TBC1D2B: variants seen among roughly 807,000 people sequenced by gnomAD.
TBC1D2B encodes TBC1 domain family, member 2B.
TBC1D2B carries 64 observed loss-of-function variants against 100.8 expected under a neutral mutation model. The ratio of observed to expected loss-of-function variants is 0.64; its 90% CI spans 0.52 to 0.78. The LOEUF is 0.78. Ranked by LOEUF, TBC1D2B falls within the 30% of genes least tolerant of loss-of-function variation. The pLI, the probability that TBC1D2B is intolerant of heterozygous loss-of-function variation, is 0.00. For synonymous variants in TBC1D2B, 480 were observed against 479.7 expected (o/e 1.00, Z -0.01); for missense variants, 1,052 against 1,218.4 (o/e 0.86, Z 2.03).
chr15:78,009,021 A>G lies in TBC1D2B; in HGVS notation c.2364T>C (p.Tyr788=), dbSNP rs771282108. The change falls in exon 10 of 13, where the codon TAT becomes TAC. Residue 788 remains tyrosine (Y), a synonymous_variant. Coordinates refer to ENST00000300584, the MANE Select transcript of TBC1D2B (RefSeq NM_144572.2). The part of the protein sequence containing the change: ...IVEVFMPRDY[Y]TKTLLGSQVD... ...CCTGGGATCCTAAAAGAGTCTTTGT[A>G]TAATAGTCTCGAGGCATGAAAACTT... is the stretch of plus-strand genomic sequence containing the variant. 9 of 1,601,020 alleles carry G rather than the reference A, an allele frequency of 5.6e-6. No homozygotes were observed. Among genetic ancestry groups the G allele is most frequent in the Non-Finnish European group, 6.8e-6 (8 of 1,173,248 alleles).
intron 10 of TBC1D2B, among the ~76,000 whole-genome samples, chr15:78,005,811 T>C (rs1162277788): frequency 6.6e-6 from 1 of 152,250 alleles, no homozygotes; most frequent in Non-Finnish European, 1.5e-5. Context: ...TGATCATCTA[T>C]TACTTGTATA....
intron 6 of TBC1D2B, 54 bp from the exon 7 acceptor site, chr15:78,018,011 T>A (rs2072420911): frequency 1.0e-6 from 1 of 969,534 alleles, no homozygotes; most frequent in Non-Finnish European, 1.6e-6. Context: ...ATTGACTAAT[T>A]AATTACCCTA....
intron 1 of TBC1D2B, among the ~76,000 whole-genome samples, chr15:78,066,299 G>A (rs764577292): frequency 1.2e-4 from 18 of 152,206 alleles, no homozygotes; most frequent in African/African-American, 3.9e-4. Context: ...GAGGATGGAG[G>A]GCTCACACTT....
intron 4 of TBC1D2B, among the ~76,000 whole-genome samples, chr15:78,027,559 A>G (rs2072702632): frequency 6.6e-6 from 1 of 152,218 alleles, no homozygotes; most frequent in African/African-American, 2.4e-5. Context: ...CTCCCTCTCT[A>G]TCACATAAAC....
Position 78,077,308 on chromosome 15 carries a change from G to C in TBC1D2B, c.345C>G (p.Ala115=). Residue 115 remains alanine (A), a synonymous_variant, in exon 1 of 13, where the codon GCC becomes GCG. Coordinates refer to ENST00000300584, the MANE Select transcript of TBC1D2B (RefSeq NM_144572.2). ...GCGGTCCCACCTTGAGCACCGTGAC[G>C]GCTCCCGCGCTGTGCACCTGGAAGT... ...PAHFQVHSAG[A]VTVLKAPNRQ... 4 of 1,522,956 alleles carry C rather than the reference G, an allele frequency of 2.6e-6. No individual in the cohort carries two copies. The South Asian group carries it at 3.7e-5, about 14-fold the overall frequency. 94.3% of individuals were successfully genotyped at this position (1,522,956 alleles called of 1,614,324 possible). A position where few individuals can be genotyped will look rare whatever the true frequency, so the allele number is the denominator to read the frequency against.
intron 9 of TBC1D2B, among the ~76,000 whole-genome samples, chr15:78,011,444 C>T (rs1373860026): frequency 6.6e-6 from 1 of 150,566 alleles, no homozygotes; most frequent in African/African-American, 2.4e-5. Context: ...ACATGCAGAA[C>T]TTTTTCATTC....
At chr15:78,041,527 T>C (rs755221700) in intron 3 of TBC1D2B, among the ~76,000 whole-genome samples, 42 of 152,382 alleles carry the variant, frequency 2.8e-4, no homozygotes, top group Non-Finnish European at 4.3e-4. Context: ...AACCTTCATT[T>C]ATCTTTTAAG....
chr15:78,050,760 G>A (rs1040501024), intron 2 of TBC1D2B, among the ~76,000 whole-genome samples: 1 of 152,202 alleles, frequency 6.6e-6, no homozygotes, highest in Non-Finnish European at 1.5e-5. Context: ...AAAGCTGCAA[G>A]TTCCAATCAC....
At chr15:78,058,196 C>T (rs1051363760) in intron 1 of TBC1D2B, among the ~76,000 whole-genome samples, 2 of 152,184 alleles carry the variant, frequency 1.3e-5, no homozygotes, top group East Asian at 1.9e-4. Context: ...CTTTACTGAA[C>T]AGTGCTGGTC....
In TBC1D2B at chr15:78,068,383, C is replaced by A. The variant is rs866992903; in HGVS notation, c.360+8910G>T. On this transcript the variant is annotated intron_variant, in intron 1 of 12. Coordinates refer to ENST00000300584, the MANE Select transcript of TBC1D2B (RefSeq NM_144572.2). ...TGAAATGAAAGCACACACACCACAC[C>A]CACACACACACACACACACACACAC... Among the ~76,000 whole-genome samples, 304 of 143,092 alleles carry A rather than the reference C, an allele frequency of 2.1e-3. 1 individual carries two copies. The highest frequency in any genetic ancestry group is 6.7e-3 in the African/African-American group (257 of 38,106). The allele number at this position is 143,092 out of a possible 152,430, so 93.9% of individuals were successfully genotyped here. A position where few individuals can be genotyped will look rare whatever the true frequency, so the allele number is the denominator to read the frequency against.
Position 78,013,017 on chromosome 15 carries a change from G to A in TBC1D2B, c.2076C>T (p.Phe692=). ...KFKDNTEPGH[F]QTLLQKALEK... ...CCAGCGCCTTCTGCAGCAAGGTCTG[G>A]AAGTGGCCAGGCTCAGTGTTGTCCT... The change falls in exon 9 of 13, where the codon TTC becomes TTT. Residue 692 remains phenylalanine, a synonymous_variant. Transcript: ENST00000300584. 1 of 1,611,010 alleles carries A rather than the reference G, an allele frequency of 6.2e-7. No homozygotes were observed. The highest frequency in any genetic ancestry group is 8.5e-7 in the Non-Finnish European group (1 of 1,177,320).
At chr15:78,071,099 G>A (rs2073736336) in intron 1 of TBC1D2B, among the ~76,000 whole-genome samples, 1 of 152,186 alleles carries the variant, frequency 6.6e-6, no homozygotes, top group South Asian at 2.1e-4. Context: ...TGGGATTACA[G>A]GCGTGAGCCA....
At chr15:78,009,255 C>T (rs966708950) in intron 9 of TBC1D2B, 141 bp from the exon 10 acceptor site, 7 of 634,978 alleles carry the variant, frequency 1.1e-5, no homozygotes, top group Admixed American at 2.8e-5. Context: ...ATAATAAGGA[C>T]CTGGCTTAAT....
chr15:78,004,097 C>T (rs1437670690), intron 10 of TBC1D2B, among the ~76,000 whole-genome samples: 1 of 152,208 alleles, frequency 6.6e-6, no homozygotes, highest in Non-Finnish European at 1.5e-5. Context: ...TTAATTACCT[C>T]TCTCTTACTG....
intron 1 of TBC1D2B, among the ~76,000 whole-genome samples, chr15:78,058,417 C>CCCAT (rs760137182): frequency 1.3e-5 from 2 of 152,340 alleles, no homozygotes; most frequent in Admixed American, 6.5e-5. Flanking sequence ...CTCCAACCAC[C>CCCAT]CCATGGTCCA....
intron 4 of TBC1D2B, among the ~76,000 whole-genome samples, chr15:78,028,301 C>T (rs1438339660): frequency 6.6e-6 from 1 of 151,974 alleles, no homozygotes; most frequent in African/African-American, 2.4e-5. Flanking sequence ...ATGATGAAAC[C>T]CTGTCTCTAC....
intron 10 of TBC1D2B, among the ~76,000 whole-genome samples, chr15:78,003,742 C>T (rs371689467): frequency 3.3e-5 from 5 of 152,188 alleles, no homozygotes; most frequent in Non-Finnish European, 5.9e-5. Context: ...GTAGGGGAGT[C>T]TGTAACCTGA....
At chr15:78,071,399 C>T (rs1201853590) in intron 1 of TBC1D2B, among the ~76,000 whole-genome samples, 1 of 152,210 alleles carries the variant, frequency 6.6e-6, no homozygotes, top group African/African-American at 2.4e-5. Context: ...TGTTTCTGTA[C>T]TACAACAGCA....
At position 78,075,050 on chromosome 15, in the gene TBC1D2B, A is replaced by G. The variant is rs1021593761; in HGVS notation, c.360+2243T>C. 3.3e-5 allele frequency among the ~76,000 whole-genome samples: 5 copies of G among 152,222 alleles called. No homozygotes were observed. In the South Asian group the frequency reaches 1.0e-3, roughly 32 times the overall value. The stretch of plus-strand genomic sequence containing the variant: ...GGAAGGTATGATTCCCACTAGACCA[A>G]AGAGGAAACTGGAGCAGGGAACTGG... On this transcript the variant is annotated intron_variant, in intron 1 of 12. Coordinates refer to ENST00000300584, the MANE Select transcript of TBC1D2B (RefSeq NM_144572.2).
Sources: gnomAD v4.1 joint callset for allele counts (sites outside exome capture counted in the v4.1 genomes callset) on GRCh38, gnomAD v4.1.1 for gene constraint, MANE v1.5 for transcripts, NCBI Gene and HGNC (gene_info 2026-07-23, HGNC 2026-07-21) for gene names.